The following PLXDC2 variants were observed in gnomAD, a reference collection of about 807,000 sequenced individuals.
The protein encoded by PLXDC2 is plexin domain containing 2, also known as plexin domain-containing protein 2.
In PLXDC2, 40 loss-of-function variants were observed where a neutral mutation model predicts 68.9. That is an observed-to-expected ratio of 0.58 (90% CI 0.45 to 0.76). The LOEUF is 0.76. Among genes scored for constraint, PLXDC2 ranks in the 30% least tolerant of loss-of-function variants. The probability of loss-of-function intolerance (pLI) is 0.00; values close to 1 mark genes in which losing one functional copy is unlikely to be tolerated. For missense variants in PLXDC2, 644 were observed against 661.9 expected (o/e 0.97, Z 0.30); for synonymous variants, 243 against 234.2 (o/e 1.04, Z -0.34).
At chr10:20,250,945 C>A (rs1470626539) in intron 13 of PLXDC2, among the ~76,000 whole-genome samples, 1 of 152,140 alleles carries the variant, frequency 6.6e-6, no homozygotes, top group Non-Finnish European at 1.5e-5. Flanking sequence ...GACACCAACA[C>A]TCTTCCTTAT....
intron 1 of PLXDC2, among the ~76,000 whole-genome samples, chr10:19,841,236 C>G (rs1322376970): frequency 2.0e-5 from 3 of 152,142 alleles, no homozygotes; most frequent in Non-Finnish European, 4.4e-5. Flanking sequence ...CATCATCACA[C>G]TTTGAAATGT....
intron 1 of PLXDC2, among the ~76,000 whole-genome samples, chr10:19,962,803 G>T (rs1449958447): frequency 2.7e-5 from 4 of 148,980 alleles, no homozygotes; most frequent in Non-Finnish European, 6.0e-5. Flanking sequence ...TGGCTAACAC[G>T]GTGAAACCCC....
chr10:20,246,398 G>T (rs1281837101), intron 13 of PLXDC2, among the ~76,000 whole-genome samples: 2 of 152,210 alleles, frequency 1.3e-5, no homozygotes, highest in Non-Finnish European at 2.9e-5. Flanking sequence ...CACCCAGGCT[G>T]CAATGCCGTG....
chr10:19,937,080 C>T (rs997511112), intron 1 of PLXDC2, among the ~76,000 whole-genome samples: 4 of 152,080 alleles, frequency 2.6e-5, no homozygotes, highest in Admixed American at 1.3e-4. Flanking sequence ...GACTTAGACC[C>T]GACCCTCAAC....
At chr10:20,073,297 A>G (rs892204596) in intron 4 of PLXDC2, among the ~76,000 whole-genome samples, 1 of 152,190 alleles carries the variant, frequency 6.6e-6, no homozygotes, top group Admixed American at 6.5e-5. Context: ...CTTGAAATCT[A>G]TCTCTCTCCA....
intron 3 of PLXDC2, among the ~76,000 whole-genome samples, chr10:20,052,722 C>CAAAAAAAAAAAAAAAAAAAAAAAAAAAG (rs59776582): frequency 1.1e-5 from 1 of 92,816 alleles, no homozygotes; most frequent in African/African-American, 3.8e-5. Context: ...ACAAATTATG[C>CAAAAAAAAAAAAAAAAAAAAAAAAAAAG]AAAAAAAAAA....
chr10:20,175,974 C>G (rs917061215), intron 7 of PLXDC2, among the ~76,000 whole-genome samples: 3 of 152,018 alleles, frequency 2.0e-5, no homozygotes, highest in Admixed American at 1.3e-4. Context: ...CAAACCCAGG[C>G]GAGCACATTA....
intron 1 of PLXDC2, among the ~76,000 whole-genome samples, chr10:19,914,536 A>T (rs930996100): frequency 5.3e-5 from 8 of 152,230 alleles, no homozygotes; most frequent in Admixed American, 5.2e-4. Context: ...TTGAAACGTT[A>T]AAGTTACTTC....
At position 19,890,521 on chromosome 10, in the gene PLXDC2, CT is replaced by C. The variant is rs71388875; in HGVS notation, c.112+73340del. Among the ~76,000 whole-genome samples the C allele has an allele frequency of 2.6e-4, 36 of 140,440 alleles. 1 individual carries two copies. Among genetic ancestry groups the C allele is most frequent in the Admixed American group, 2.0e-3 (27 of 13,824 alleles). 92.1% of individuals were successfully genotyped at this position (140,440 alleles called of 152,430 possible). On this transcript the variant is annotated intron_variant, in intron 1 of 13. Coordinates refer to ENST00000377252, the MANE Select transcript of PLXDC2 (RefSeq NM_032812.9). The stretch of plus-strand genomic sequence containing the variant: ...GCAGTATTTGGTTTTCTGAGAACTG[CT>C]TTTTTTTTTCTGAGACGGGGTTTTT...
At chr10:19,924,276 C>T (rs1031318445) in intron 1 of PLXDC2, among the ~76,000 whole-genome samples, 1 of 152,158 alleles carries the variant, frequency 6.6e-6, no homozygotes, top group African/African-American at 2.4e-5. Context: ...ACATTTGGTG[C>T]CAAAACCTGG....
At chr10:20,044,933 G>A (rs982737779) in intron 2 of PLXDC2, among the ~76,000 whole-genome samples, 1 of 151,976 alleles carries the variant, frequency 6.6e-6, no homozygotes, top group Non-Finnish European at 1.5e-5. Flanking sequence ...TACATACCGC[G>A]GACACATTCA....
At chr10:20,119,743 T>A (rs1273303659) in intron 4 of PLXDC2, among the ~76,000 whole-genome samples, 1 of 151,918 alleles carries the variant, frequency 6.6e-6, no homozygotes, top group Admixed American at 6.6e-5. Context: ...AGGGGTGGCG[T>A]GGGAACCTAG....
chr10:19,887,970 A>C (rs1339928949), intron 1 of PLXDC2, among the ~76,000 whole-genome samples: 1 of 152,230 alleles, frequency 6.6e-6, no homozygotes, highest in African/African-American at 2.4e-5. Context: ...CACAGCCTAC[A>C]TTCTGTCATG....
chr10:20,011,750 C>A (rs1835118303), intron 2 of PLXDC2, among the ~76,000 whole-genome samples: 1 of 152,148 alleles, frequency 6.6e-6, no homozygotes, highest in Admixed American at 6.5e-5. Flanking sequence ...ATGCTGATAG[C>A]ATTATTTTTA....
At chr10:19,995,605 C>T (rs1321171520) in intron 1 of PLXDC2, among the ~76,000 whole-genome samples, 1 of 152,176 alleles carries the variant, frequency 6.6e-6, no homozygotes. Flanking sequence ...TGATGGGAAC[C>T]GTCCCTAAAT....
At chr10:20,022,630 C>G (rs540292115) in intron 2 of PLXDC2, among the ~76,000 whole-genome samples, 1 of 152,088 alleles carries the variant, frequency 6.6e-6, no homozygotes, top group African/African-American at 2.4e-5. Context: ...CAAACTCCCT[C>G]CTCTACACGC....
intron 1 of PLXDC2, among the ~76,000 whole-genome samples, chr10:19,951,718 A>C (rs908662093): frequency 3.9e-5 from 6 of 152,206 alleles, no homozygotes; most frequent in Non-Finnish European, 7.3e-5. Flanking sequence ...TTGCAGCACT[A>C]TTCATAGCAA....
intron 1 of PLXDC2, among the ~76,000 whole-genome samples, chr10:19,965,943 G>T (rs769212188): frequency 3.3e-5 from 5 of 152,170 alleles, no homozygotes; most frequent in Non-Finnish European, 5.9e-5. Context: ...AATTCTAGAA[G>T]ATGCTTCTTT....
chr10:20,216,959 A>T lies in PLXDC2; in HGVS notation c.1123-467A>T, dbSNP rs567380554. ...CTTGTGACAGATGATTTTTGAAACAATGAAGTAGTATGGGGAAGTTAGCAA... is the reference window on the plus strand; with the variant it reads ...CTTGTGACAGATGATTTTTGAAACATTGAAGTAGTATGGGGAAGTTAGCAA... On this transcript the variant is annotated intron_variant, in intron 10 of 13. Transcript: ENST00000377252. Among the ~76,000 whole-genome samples, 3 of 152,346 alleles carry T rather than the reference A, an allele frequency of 2.0e-5. No individual in the cohort carries two copies. In the South Asian group the frequency reaches 6.2e-4, roughly 32 times the overall value.
Sources: allele counts gnomAD v4.1 joint callset (sites outside exome capture counted in the v4.1 genomes callset), GRCh38; gene constraint gnomAD v4.1.1; transcripts MANE v1.5; gene names NCBI Gene and HGNC (gene_info 2026-07-23, HGNC 2026-07-21).